The following ANO3 variants were observed in gnomAD, a reference collection of about 807,000 sequenced individuals.
The protein encoded by ANO3 is anoctamin-3.
Under a neutral mutation model 144.8 loss-of-function variants are expected in ANO3, and 99 were observed. The ratio of observed to expected loss-of-function variants is 0.68; its 90% CI spans 0.58 to 0.81. The LOEUF (loss-of-function observed/expected upper bound fraction) is 0.81. Among genes scored for constraint, ANO3 ranks in the 30% least tolerant of loss-of-function variants. The probability of loss-of-function intolerance (pLI) is 0.00; values close to 1 mark genes in which losing one functional copy is unlikely to be tolerated. For missense variants in ANO3, 905 were observed against 1,202.2 expected, an observed-to-expected ratio of 0.75 and a Z score of 3.66; for synonymous variants, 414 against 392.6, an observed-to-expected ratio of 1.05 and a Z score of -0.64.
intron 14 of ANO3, chr11:26,565,344 G>C (rs1261247643): frequency 1.2e-6 from 2 of 1,612,456 alleles, no homozygotes; most frequent in Non-Finnish European, 1.7e-6. Flanking sequence ...TGGTTCTGAA[G>C]AGAGGATGCT....
At chr11:26,547,673 A>C in intron 12 of ANO3, 123 bp downstream of exon 12, 1 of 1,006,552 alleles carries the variant, frequency 9.9e-7, no homozygotes, top group Non-Finnish European at 1.4e-6. Flanking sequence ...TTTATTTGCT[A>C]TTTCTGTTTT....
intron 14 of ANO3, among the ~76,000 whole-genome samples, chr11:26,573,242 A>G (rs1250226841): frequency 6.6e-6 from 1 of 152,206 alleles, no homozygotes; most frequent in Non-Finnish European, 1.5e-5. Context: ...GCCCGAGGAA[A>G]GAACAAGGTA....
chr11:26,441,167 GA>G (rs1369622289), intron 1 of ANO3, among the ~76,000 whole-genome samples: 5 of 135,632 alleles, frequency 3.7e-5, no homozygotes, highest in African/African-American at 1.4e-4. Context: ...GCCCAGGCTG[GA>G]GTGCAGTGGC....
chr11:26,229,951 C>T (rs1297230297), intron 1 of ANO3, among the ~76,000 whole-genome samples: 5 of 152,140 alleles, frequency 3.3e-5, no homozygotes, highest in African/African-American at 1.2e-4. Context: ...CATTGTCACC[C>T]TCTGATCCTT....
chr11:26,591,044 C>A (rs1160461018), intron 14 of ANO3, among the ~76,000 whole-genome samples: 2 of 152,152 alleles, frequency 1.3e-5, no homozygotes. Flanking sequence ...TTACCTCCTG[C>A]TTTTAGCCTA....
At chr11:26,318,224 T>C (rs1854674206) in intron 1 of ANO3, among the ~76,000 whole-genome samples, 1 of 152,306 alleles carries the variant, frequency 6.6e-6, no homozygotes, top group African/African-American at 2.4e-5. Context: ...AACCTGCATG[T>C]TCTGCACATG....
intron 21 of ANO3, among the ~76,000 whole-genome samples, chr11:26,639,754 A>G (rs4288713): frequency 0.38 from 57,129 of 151,710 alleles, 11,563 homozygotes; most frequent in South Asian, 0.49. Context: ...AAACAATAGC[A>G]TTCTATTTTC....
chr11:26,559,791 C>T lies in ANO3; in HGVS notation c.1447+12C>T. 2 of 1,577,938 alleles carry T rather than the reference C, an allele frequency of 1.3e-6. No individual in the cohort carries two copies. Among genetic ancestry groups the T allele is most frequent in the African/African-American group, 1.4e-5 (1 of 73,888 alleles). ...TATGGCAATATGGGGTAAGTACTTT[C>T]TTCATTACTTTCTATCCCTTATTTT... On this transcript the variant is annotated intron_variant, in intron 14 of 26. Coordinates refer to ENST00000256737, the MANE Select transcript of ANO3 (RefSeq NM_031418.4).
chr11:26,349,687 C>T (rs1286066138), intron 1 of ANO3, among the ~76,000 whole-genome samples: 2 of 151,940 alleles, frequency 1.3e-5, no homozygotes, highest in Admixed American at 6.5e-5. Context: ...TAGCTGGGAC[C>T]TCAGGCGCCC....
chr11:26,358,126 A>G (rs1390417423), intron 1 of ANO3, among the ~76,000 whole-genome samples: 2 of 150,634 alleles, frequency 1.3e-5, no homozygotes, highest in Non-Finnish European at 3.0e-5. Flanking sequence ...ATGTCTTTTT[A>G]GCTATTCTGT....
At chr11:26,449,753 CTT>C (rs78519382) in intron 3 of ANO3, among the ~76,000 whole-genome samples, 135,210 of 150,340 alleles carry the variant, frequency 0.9, 61,013 homozygotes, top group East Asian at 0.98. Context: ...GTAGAATTGC[CTT>C]TTTTTTTTTT....
rs370278282 is a variant in ANO3 at position 26,438,962 on chromosome 11, G to A, written c.47-2956G>A. Reference sequence around the variant, plus strand: ...ACTGCGAAGCTACAATGCTAAAGACGTTGTGGTTTTGGCATAGGAATGGAC... The same window carrying A: ...ACTGCGAAGCTACAATGCTAAAGACATTGTGGTTTTGGCATAGGAATGGAC... On this transcript the variant is annotated intron_variant, in intron 1 of 26. Transcript: ENST00000256737. Among the ~76,000 whole-genome samples the A allele has an allele frequency of 2.8e-4, 42 of 152,236 alleles. No individual in the cohort carries two copies. The East Asian group carries it at 5.3e-3, about 19-fold the overall frequency.
Position 26,508,340 on chromosome 11 carries a change from A to C in ANO3, c.591+78A>C, listed in dbSNP as rs755655912. ...AATCACTTATGGTTTAGAAAGAAAA[A>C]TATGTATCACATGACTTTATAAAAT... On this transcript the variant is annotated intron_variant, in intron 5 of 26. Coordinates refer to ENST00000256737, the MANE Select transcript of ANO3 (RefSeq NM_031418.4). 1.8e-4 allele frequency: 241 copies of C among 1,303,802 alleles called. 1 individual carries two copies. Among genetic ancestry groups the C allele is most frequent in the Non-Finnish European group, 2.5e-4 (236 of 959,934 alleles). The allele number at this position is 1,303,802 out of a possible 1,614,324, so 80.8% of individuals were successfully genotyped here. A position where few individuals can be genotyped will look rare whatever the true frequency, so the allele number is the denominator to read the frequency against.
intron 4 of ANO3, among the ~76,000 whole-genome samples, chr11:26,476,903 ATGTGTG>A (rs61676196): frequency 2.6e-3 from 365 of 141,516 alleles, no homozygotes; most frequent in African/African-American, 8.0e-3. Flanking sequence ...GTGTGTGTGT[ATGTGTG>A]TGTGTGTGTG....
intron 1 of ANO3, among the ~76,000 whole-genome samples, chr11:26,396,971 C>G (rs144475794): frequency 1.6e-5 from 2 of 128,592 alleles, no homozygotes; most frequent in East Asian, 4.0e-4. Flanking sequence ...ATAAATAAGA[C>G]TGAGCTAACT....
At chr11:26,562,074 A>C (rs1850315986) in intron 14 of ANO3, among the ~76,000 whole-genome samples, 1 of 151,890 alleles carries the variant, frequency 6.6e-6, no homozygotes, top group Non-Finnish European at 1.5e-5. Flanking sequence ...TTATGCCTCT[A>C]TCACAGCAGT....
At chr11:26,397,471 T>C (rs1178455075) in intron 1 of ANO3, among the ~76,000 whole-genome samples, 1 of 152,108 alleles carries the variant, frequency 6.6e-6, no homozygotes, top group Admixed American at 6.6e-5. Flanking sequence ...GAAAGTTGTT[T>C]GTTTCATAAA....
intron 1 of ANO3, among the ~76,000 whole-genome samples, chr11:26,189,587 T>C (rs796863692): frequency 2.2e-4 from 33 of 152,308 alleles, no homozygotes; most frequent in African/African-American, 7.7e-4. Context: ...GTTAATGATG[T>C]AATAGACTTT....
intron 17 of ANO3, among the ~76,000 whole-genome samples, chr11:26,616,922 G>A (rs1199423607): frequency 6.6e-6 from 1 of 151,970 alleles, no homozygotes; most frequent in Non-Finnish European, 1.5e-5. Context: ...ACAGGCGCAC[G>A]CCATCATGCC....
Sources: gnomAD v4.1 joint callset for allele counts (sites outside exome capture counted in the v4.1 genomes callset) on GRCh38, gnomAD v4.1.1 for gene constraint, MANE v1.5 for transcripts, NCBI Gene and HGNC (gene_info 2026-07-23, HGNC 2026-07-21) for gene names.